The following TTC28 variants were observed in gnomAD, a reference collection of about 807,000 sequenced individuals.
TTC28 encodes the protein tetratricopeptide repeat domain 28, also known as tetratricopeptide repeat protein 28.
Under a neutral mutation model 198.0 loss-of-function variants are expected in TTC28, and 61 were observed. That is an observed-to-expected ratio of 0.31 (90% CI 0.25 to 0.38). The LOEUF is 0.38. Ranked by LOEUF, TTC28 falls within the 10% of genes least tolerant of loss-of-function variation. The pLI, the probability that TTC28 is intolerant of heterozygous loss-of-function variation, is 1.00. For missense variants in TTC28, 2,678 were observed against 3,164.0 expected, an observed-to-expected ratio of 0.85 and a Z score of 3.69; for synonymous variants, 1,171 against 1,297.8, an observed-to-expected ratio of 0.90 and a Z score of 2.10.
intron 2 of TTC28, among the ~76,000 whole-genome samples, chr22:28,587,448 T>C (rs552364504): frequency 6.6e-6 from 1 of 152,236 alleles, no homozygotes; most frequent in East Asian, 1.9e-4. Flanking sequence ...ATACAGGCCT[T>C]TCAGATCAAT....
intron 6 of TTC28, among the ~76,000 whole-genome samples, chr22:28,150,648 C>T (rs1943583487): frequency 6.6e-6 from 1 of 152,152 alleles, no homozygotes; most frequent in Admixed American, 6.5e-5. Flanking sequence ...GATGGCAGAA[C>T]CCAGGGTCAC....
chr22:28,105,628 A>G lies in TTC28; in HGVS notation c.2958T>C (p.Ile986=). ...GGGCTCGGTCTTTCATATCTCTAGC[A>G]ATGTTCAGCTGGCGTTCAAGGCAGG... The part of the protein sequence containing the change: ...AISCLERQLN[I]ARDMKDRALE... Residue 986 remains isoleucine (I), a synonymous_variant, in exon 8 of 23, where the codon ATT becomes ATC. Coordinates refer to ENST00000397906, the MANE Select transcript of TTC28 (RefSeq NM_001145418.2). 1 of 1,551,988 alleles carries G rather than the reference A, an allele frequency of 6.4e-7. No individual in the cohort carries two copies. Among genetic ancestry groups the G allele is most frequent in the Non-Finnish European group, 8.7e-7 (1 of 1,147,074 alleles).
chr22:28,069,925 A>AACACACACACACAC (rs60436240), intron 12 of TTC28, among the ~76,000 whole-genome samples: 14 of 142,146 alleles, frequency 9.8e-5, no homozygotes, highest in Non-Finnish European at 1.4e-4. Flanking sequence ...AGGTTGTACA[A>AACACACACACACAC]ACACACACAC....
Position 28,030,306 on chromosome 22 carries a change from T to A in TTC28, c.3993A>T (p.Glu1331Asp), listed in dbSNP as rs1939023395. 6.4e-7 allele frequency: 1 copy of A among 1,551,700 alleles called. No individual in the cohort carries two copies. The highest frequency in any genetic ancestry group is 8.7e-7 in the Non-Finnish European group (1 of 1,147,036). ...CCGAGTTGAGTTTGTTGTTCATCTCTTCAAATTGCTGGTCCATGATGTCTC... is the reference window on the plus strand; with the variant it reads ...CCGAGTTGAGTTTGTTGTTCATCTCATCAAATTGCTGGTCCATGATGTCTC... The part of the protein sequence containing the change: ...EAGDIMDQQF[E>D]EMNNKLNSVT... Residue 1331 changes from glutamate (E) to aspartate (D), a missense_variant, in exon 13 of 23, where the codon GAA (glutamate) becomes GAT (aspartate). Glu to Asp is a conservative substitution (Grantham distance 45). Around this residue, in one of 8 missense-constraint regions of TTC28, gnomAD observed 727 missense variants for 861.9 expected, o/e 0.84. Coordinates refer to ENST00000397906, the MANE Select transcript of TTC28 (RefSeq NM_001145418.2).
At chr22:28,389,873 G>A (rs1193990288) in intron 2 of TTC28, among the ~76,000 whole-genome samples, 3 of 151,506 alleles carry the variant, frequency 2.0e-5, no homozygotes, top group Non-Finnish European at 4.4e-5. Context: ...GTTATTTCTT[G>A]CCTTCTGCTA....
At chr22:28,266,628 C>T (rs1931700962) in intron 5 of TTC28, among the ~76,000 whole-genome samples, 2 of 152,126 alleles carry the variant, frequency 1.3e-5, no homozygotes, top group Non-Finnish European at 2.9e-5. Context: ...GCACTTGTCC[C>T]AGGGAGGTCT....
intron 12 of TTC28, among the ~76,000 whole-genome samples, chr22:28,055,162 T>C (rs1940233654): frequency 6.6e-6 from 1 of 152,192 alleles, no homozygotes. Flanking sequence ...TATTCTTTCA[T>C]TCACTCATCA....
chr22:28,261,672 T>C (rs1048083466), intron 5 of TTC28, among the ~76,000 whole-genome samples: 72 of 152,178 alleles, frequency 4.7e-4, no homozygotes, highest in African/African-American at 1.6e-3. Context: ...ATTAACAAAA[T>C]GCCTTAGCAC....
chr22:28,608,794 T>A lies in TTC28; in HGVS notation c.381+20758A>T, dbSNP rs77400424. Among the ~76,000 whole-genome samples the A allele has an allele frequency of 7.1e-3, 1,079 of 152,266 alleles. 28 individuals carry two copies. Among genetic ancestry groups the A allele is most frequent in the East Asian group, 0.07 (362 of 5,172 alleles). The stretch of plus-strand genomic sequence containing the variant: ...AGTAGTTCAAGGCATTTAAGGAATC[T>A]CTATCAAGCTGAGGACTACGCTACC... On this transcript the variant is annotated intron_variant, in intron 2 of 22. Coordinates refer to ENST00000397906, the MANE Select transcript of TTC28 (RefSeq NM_001145418.2).
At chr22:28,388,803 T>A (rs1172660837) in intron 2 of TTC28, among the ~76,000 whole-genome samples, 1 of 152,202 alleles carries the variant, frequency 6.6e-6, no homozygotes, top group Non-Finnish European at 1.5e-5. Flanking sequence ...ACAATTTGAC[T>A]TCCTCTTTTC....
Position 27,981,489 on chromosome 22 carries a change from C to T in TTC28, c.*732G>A, listed in dbSNP as rs1352083881. On this transcript the variant is annotated 3_prime_UTR_variant, in exon 23 of 23. Transcript: ENST00000397906. ...AAAGTTGCATTTTAAATCACAATTG[C>T]ATAGTTCTAAAATGCCTGGATAAGA... 6.6e-6 allele frequency: 1 copy of T among 151,784 alleles called. No individual in the cohort carries two copies. Among genetic ancestry groups the T allele is most frequent in the Non-Finnish European group, 1.5e-5 (1 of 67,978 alleles). 9.4% of individuals were successfully genotyped at this position (151,784 alleles called of 1,614,324 possible).
chr22:28,178,007 A>C (rs965044524), intron 5 of TTC28, among the ~76,000 whole-genome samples: 2 of 152,200 alleles, frequency 1.3e-5, no homozygotes, highest in Non-Finnish European at 2.9e-5. Flanking sequence ...TTTAGTTAAT[A>C]ATTATATATC....
chr22:28,391,033 C>T (rs532851571), intron 2 of TTC28, among the ~76,000 whole-genome samples: 2 of 152,068 alleles, frequency 1.3e-5, no homozygotes, highest in African/African-American at 2.4e-5. Flanking sequence ...TTAGGGCAGG[C>T]CTGGTGGTGA....
At chr22:28,529,276 G>A (rs377384402) in intron 2 of TTC28, among the ~76,000 whole-genome samples, 11 of 152,142 alleles carry the variant, frequency 7.2e-5, no homozygotes, top group African/African-American at 2.4e-4. Context: ...GCATGACTCA[G>A]ATGGTCCCAC....
intron 2 of TTC28, among the ~76,000 whole-genome samples, chr22:28,591,062 T>C (rs1337595065): frequency 1.6e-5 from 2 of 123,926 alleles, no homozygotes; most frequent in African/African-American, 7.1e-5. Context: ...TATATATATA[T>C]ATATATATAT....
intron 5 of TTC28, among the ~76,000 whole-genome samples, chr22:28,294,974 T>A (rs2044864723): frequency 6.6e-6 from 1 of 152,224 alleles, no homozygotes; most frequent in African/African-American, 2.4e-5. Flanking sequence ...ATGCCATTAG[T>A]ATATCTGTCT....
At chr22:28,378,670 C>CAG (rs984585458) in intron 2 of TTC28, among the ~76,000 whole-genome samples, 2 of 150,924 alleles carry the variant, frequency 1.3e-5, no homozygotes, top group Non-Finnish European at 1.5e-5. Context: ...AAAAAAAAAG[C>CAG]AGAGAGAGAG....
intron 2 of TTC28, among the ~76,000 whole-genome samples, chr22:28,431,466 C>T (rs1050470381): frequency 6.6e-6 from 1 of 152,168 alleles, no homozygotes; most frequent in Non-Finnish European, 1.5e-5. Flanking sequence ...GATTATACCT[C>T]TGTGCCTATT....
At chr22:28,230,448 A>G (rs1031306325) in intron 5 of TTC28, among the ~76,000 whole-genome samples, 8 of 152,234 alleles carry the variant, frequency 5.3e-5, no homozygotes, top group African/African-American at 9.6e-5. Context: ...TGACTACAAC[A>G]TAAGACTGAG....
Sources: gnomAD v4.1 joint callset for allele counts (sites outside exome capture counted in the v4.1 genomes callset) on GRCh38, gnomAD v4.1.1 for gene constraint, gnomAD v4.1.1 regional missense constraint, MANE v1.5 for transcripts, NCBI Gene and HGNC (gene_info 2026-07-23, HGNC 2026-07-21) for gene names.